Variants in ANO2 observed in about 807,000 individuals in gnomAD.
The protein encoded by ANO2 is anoctamin-2.
ANO2 carries 101 observed loss-of-function variants against 124.2 expected under a neutral mutation model. The observed-to-expected ratio is 0.81, with a 90% CI of 0.69 to 0.96. ANO2 has a LOEUF of 0.96. Ranked by LOEUF, ANO2 falls within the 40% of genes least tolerant of loss-of-function variation. The pLI, the probability that ANO2 is intolerant of heterozygous loss-of-function variation, is 0.00. For missense variants in ANO2, 1,293 were observed against 1,274.5 expected, an observed-to-expected ratio of 1.01 and a Z score of -0.22; for synonymous variants, 486 against 482.5, an observed-to-expected ratio of 1.01 and a Z score of -0.09.
rs1940093470 is a variant in ANO2 at position 5,900,243 on chromosome 12, A to G, written c.534+20797T>C. On this transcript the variant is annotated intron_variant, in intron 3 of 24. Coordinates refer to ENST00000682330, the MANE Select transcript of ANO2 (RefSeq NM_001364791.2). This position sits in a 1 kb window ranked among gnomAD's most constrained non-coding sequence, Gnocchi z 4.2. ...GAGAGGCACCACTATGCCCAGCTTC[A>G]TCTTCTAGCTCTGGCTCAAGGTAAA... is the stretch of plus-strand genomic sequence containing the variant. Among the ~76,000 whole-genome samples, 1 of 152,222 alleles carries G rather than the reference A, an allele frequency of 6.6e-6. No individual in the cohort carries two copies. The highest frequency in any genetic ancestry group is 2.4e-5 in the African/African-American group (1 of 41,442).
At chr12:5,634,022 C>G (rs147769528) in intron 16 of ANO2, among the ~76,000 whole-genome samples, 1 of 152,134 alleles carries the variant, frequency 6.6e-6, no homozygotes, top group Non-Finnish European at 1.5e-5. Flanking sequence ...GATGTTCTTC[C>G]GAAGTGCTTC....
At chr12:5,624,292 C>T (rs1468702620) in intron 16 of ANO2, among the ~76,000 whole-genome samples, 2 of 150,900 alleles carry the variant, frequency 1.3e-5, no homozygotes, top group Non-Finnish European at 2.9e-5. Context: ...GAGAGACAGA[C>T]AGACAGAGGC....
chr12:5,706,338 C>T (rs1014978320), intron 14 of ANO2, among the ~76,000 whole-genome samples: 2 of 152,112 alleles, frequency 1.3e-5, no homozygotes, highest in South Asian at 2.1e-4. Flanking sequence ...TCTCAGATCT[C>T]ATCCCCTCCC....
At chr12:5,668,191 T>C (rs766740258) in intron 14 of ANO2, among the ~76,000 whole-genome samples, 1 of 152,238 alleles carries the variant, frequency 6.6e-6, no homozygotes, top group Non-Finnish European at 1.5e-5. Context: ...CGTTCCTGTT[T>C]CTCTGCAACC....
chr12:5,921,267 G>A lies in ANO2; in HGVS notation c.307C>T (p.Leu103Phe). The A allele has an allele frequency of 6.2e-7, 1 of 1,614,038 alleles. No individual in the cohort carries two copies. ...CCGCGTTTCCGGTAGTGGTAGGCAA[G>A]TACATAGTCGACCTTCCTCTGACTG... ...HDSQRKVDYV[L>F]AYHYRKRGVH... Residue 103 changes from leucine to phenylalanine, a missense_variant, in exon 3 of 25, where the codon CTT (leucine) becomes TTT (phenylalanine). Coordinates refer to ENST00000682330, the MANE Select transcript of ANO2 (RefSeq NM_001364791.2).
chr12:5,578,873 A>G (rs1363944001), intron 20 of ANO2, among the ~76,000 whole-genome samples: 1 of 152,246 alleles, frequency 6.6e-6, no homozygotes, highest in East Asian at 1.9e-4. Context: ...CATAATAAAC[A>G]TTTTTGGATT....
chr12:5,574,026 A>G (rs1404898169), intron 23 of ANO2, among the ~76,000 whole-genome samples: 1 of 152,230 alleles, frequency 6.6e-6, no homozygotes, highest in Non-Finnish European at 1.5e-5. Context: ...CAGGGTCATC[A>G]CTGCTGCCAA....
chr12:5,855,540 G>A (rs1042089915), intron 3 of ANO2, among the ~76,000 whole-genome samples: 1 of 152,218 alleles, frequency 6.6e-6, no homozygotes, highest in Non-Finnish European at 1.5e-5. Context: ...TTCAAAAGGA[G>A]ATTGGACTAT....
At chr12:5,869,630 C>G (rs1001706547) in intron 3 of ANO2, among the ~76,000 whole-genome samples, 2 of 152,238 alleles carry the variant, frequency 1.3e-5, no homozygotes, top group East Asian at 3.9e-4. Context: ...CTTGTTTAAC[C>G]GTTACTCAGG....
At chr12:5,815,039 TG>T (rs1953558905) in intron 7 of ANO2, among the ~76,000 whole-genome samples, 1 of 152,238 alleles carries the variant, frequency 6.6e-6, no homozygotes, top group South Asian at 2.1e-4. Context: ...CTTATTACTT[TG>T]GTGACAGTAA....
At chr12:5,667,146 CTTGG>C in intron 14 of ANO2, among the ~76,000 whole-genome samples, 1 of 152,278 alleles carries the variant, frequency 6.6e-6, no homozygotes, top group South Asian at 2.1e-4. Context: ...CATTTCTTCC[CTTGG>C]TTGAAGAAGG....
rs1464950030 is a variant in ANO2, at chr12:5,563,429, A to T, written c.2867T>A (p.Met956Lys). Reference protein sequence around the residue: ...LKEEHEKLKLMDEPALRSPGG... With the variant: ...LKEEHEKLKLKDEPALRSPGG... The stretch of plus-strand genomic sequence containing the variant: ...TGGGCTCCTCAGAGCCGGCTCATCC[A>T]TCAGCTTGAGCTTCTCATGCTCCTC... The change falls in exon 25 of 25, where the codon ATG becomes AAG. Residue 956 changes from methionine (M) to lysine (K), a missense_variant. Physicochemically the swap from Met to Lys is moderately conservative, Grantham distance 95 (BLOSUM62 -1). Transcript: ENST00000682330. The T allele has an allele frequency of 1.2e-6, 2 of 1,613,154 alleles. No homozygotes were observed. Among genetic ancestry groups the T allele is most frequent in the African/African-American group, 2.7e-5 (2 of 74,884 alleles).
intron 3 of ANO2, among the ~76,000 whole-genome samples, chr12:5,867,793 A>AAC (rs1478160951): frequency 1.3e-5 from 2 of 151,200 alleles, no homozygotes; most frequent in Non-Finnish European, 3.0e-5. Flanking sequence ...AAAAAAAAAA[A>AAC]AAAAAAACCA....
chr12:5,753,892 T>G (rs1951505239), intron 10 of ANO2, among the ~76,000 whole-genome samples: 1 of 152,216 alleles, frequency 6.6e-6, no homozygotes, highest in African/African-American at 2.4e-5. Flanking sequence ...TTTTCTTGAC[T>G]AATTGCTCTT....
At chr12:5,817,532 C>T (rs560148775) in intron 7 of ANO2, among the ~76,000 whole-genome samples, 1 of 152,106 alleles carries the variant, frequency 6.6e-6, no homozygotes, top group Non-Finnish European at 1.5e-5. Flanking sequence ...TTGATAAGAG[C>T]TCCAAGGAAA....
chr12:5,597,164 TG>T (rs1213749628), intron 20 of ANO2, among the ~76,000 whole-genome samples: 2 of 152,160 alleles, frequency 1.3e-5, no homozygotes, highest in Non-Finnish European at 2.9e-5. Flanking sequence ...ACTTGTGTCA[TG>T]GGGGTTTGTT....
At chr12:5,654,541 C>A (rs576153426) in intron 14 of ANO2, among the ~76,000 whole-genome samples, 1 of 152,232 alleles carries the variant, frequency 6.6e-6, no homozygotes, top group African/African-American at 2.4e-5. Flanking sequence ...CTATGAGAGC[C>A]TCTCCTTTGG....
intron 10 of ANO2, among the ~76,000 whole-genome samples, chr12:5,797,627 G>A (rs145198511): frequency 1.3e-3 from 192 of 152,242 alleles, no homozygotes; most frequent in Non-Finnish European, 1.3e-3. Flanking sequence ...CTTGAGGTCA[G>A]AGAGTTCCTT....
Position 5,676,424 on chromosome 12 carries a change from A to G in ANO2, c.1546-28623T>C, listed in dbSNP as rs1591877003. Among the ~76,000 whole-genome samples, 6 of 152,318 alleles carry G rather than the reference A, an allele frequency of 3.9e-5. No homozygotes were observed. In the South Asian group the frequency reaches 1.2e-3, roughly 32 times the overall value. On this transcript the variant is annotated intron_variant, in intron 14 of 24. Coordinates refer to ENST00000682330, the MANE Select transcript of ANO2 (RefSeq NM_001364791.2). ...GGCTAAGTATGGCTCCCTGTTCACA[A>G]TAATTATTGAGTAGAAAACTCAGGT...
Sources: allele counts gnomAD v4.1 joint callset (sites outside exome capture counted in the v4.1 genomes callset), GRCh38; gene constraint gnomAD v4.1.1; non-coding constraint Gnocchi (gnomAD v3.1); transcripts MANE v1.5; gene names NCBI Gene and HGNC (gene_info 2026-07-23, HGNC 2026-07-21).